Variants in GRID1 observed in about 807,000 individuals in gnomAD.
GRID1 encodes glutamate ionotropic receptor delta type subunit 1, also known as glutamate receptor ionotropic, delta-1.
Under a neutral mutation model 98.0 loss-of-function variants are expected in GRID1, and 28 were observed. That is an observed-to-expected ratio of 0.29 (90% CI 0.21 to 0.39). GRID1 has a LOEUF of 0.39. Among genes scored for constraint, GRID1 ranks in the 10% least tolerant of loss-of-function variants. The pLI is 1.00. For synonymous variants in GRID1, 553 were observed against 538.5 expected (o/e 1.03, Z -0.37); for missense variants, 1,111 against 1,340.5 (o/e 0.83, Z 2.67).
intron 12 of GRID1, among the ~76,000 whole-genome samples, chr10:85,668,379 C>T (rs963339911): frequency 6.6e-6 from 1 of 152,160 alleles, no homozygotes; most frequent in Admixed American, 6.5e-5. Context: ...GATGTGTGTC[C>T]TCTCTGTGTG....
At chr10:86,260,193 T>G (rs1846994435) in intron 2 of GRID1, among the ~76,000 whole-genome samples, 1 of 152,212 alleles carries the variant, frequency 6.6e-6, no homozygotes, top group Non-Finnish European at 1.5e-5. Flanking sequence ...CGTGGCTTCC[T>G]TCCACTTTTG....
chr10:85,738,497 C>T (rs1173964601), intron 8 of GRID1, among the ~76,000 whole-genome samples: 1 of 152,186 alleles, frequency 6.6e-6, no homozygotes, highest in African/African-American at 2.4e-5. Flanking sequence ...CACTCCTAGA[C>T]ATTACATAAG....
intron 8 of GRID1, among the ~76,000 whole-genome samples, chr10:85,769,075 A>G (rs1842227221): frequency 1.3e-5 from 2 of 152,366 alleles, no homozygotes; most frequent in South Asian, 4.1e-4. Context: ...AAAAGACTAT[A>G]GTAATGTACC....
chr10:86,125,504 G>A (rs1451442749), intron 4 of GRID1, among the ~76,000 whole-genome samples: 1 of 152,212 alleles, frequency 6.6e-6, no homozygotes, highest in Admixed American at 6.5e-5. Flanking sequence ...TGGTTAAAGA[G>A]CTCAGTTCAC....
chr10:86,200,767 C>T (rs1324801306), intron 3 of GRID1, among the ~76,000 whole-genome samples: 1 of 152,064 alleles, frequency 6.6e-6, no homozygotes, highest in Non-Finnish European at 1.5e-5. Context: ...GCAAAAAAAT[C>T]AACTACAAAC....
At chr10:86,151,740 G>A (rs1205738698) in intron 3 of GRID1, among the ~76,000 whole-genome samples, 1 of 152,124 alleles carries the variant, frequency 6.6e-6, no homozygotes, top group African/African-American at 2.4e-5. Flanking sequence ...CCTGTCTGAG[G>A]GCCACCCAGG....
Position 86,232,686 on chromosome 10 carries a change from A to G in GRID1, c.236-26038T>C, listed in dbSNP as rs562318325. Among the ~76,000 whole-genome samples the G allele has an allele frequency of 2.6e-5, 4 of 152,336 alleles. No homozygotes were observed. In the East Asian group the frequency reaches 7.7e-4, roughly 29 times the overall value. On this transcript the variant is annotated intron_variant, in intron 2 of 15. Transcript: ENST00000327946. ...AGGGAATGCTTTAGCAAGGCTCAGG[A>G]TGAGACTTCCTTTTCAGGGCATTAA...
At chr10:86,049,517 G>A (rs560975076) in intron 4 of GRID1, among the ~76,000 whole-genome samples, 65 of 152,280 alleles carry the variant, frequency 4.3e-4, no homozygotes, top group Admixed American at 2.6e-3. Flanking sequence ...AAGCAAGTCC[G>A]GCTATGCCAC....
chr10:86,035,299 C>G (rs919749666), intron 4 of GRID1, among the ~76,000 whole-genome samples: 2 of 152,224 alleles, frequency 1.3e-5, no homozygotes, highest in African/African-American at 4.8e-5. Context: ...GCTTTCTAAT[C>G]TCTTCCTTAG....
At chr10:86,100,406 G>A (rs116354401) in intron 4 of GRID1, among the ~76,000 whole-genome samples, 220 of 151,738 alleles carry the variant, frequency 1.4e-3, no homozygotes, top group African/African-American at 5.2e-3. Context: ...TGGAGATATA[G>A]GATTAAAAAA....
intron 4 of GRID1, among the ~76,000 whole-genome samples, chr10:86,137,559 G>A (rs1844946972): frequency 1.3e-5 from 2 of 152,242 alleles, no homozygotes; most frequent in African/African-American, 4.8e-5. Flanking sequence ...ACTGCAAGAA[G>A]AGCCATCCCC....
intron 2 of GRID1, among the ~76,000 whole-genome samples, chr10:86,233,584 C>T (rs2814331): frequency 0.87 from 132,009 of 151,962 alleles, 57,938 homozygotes; most frequent in African/African-American, 0.91. Flanking sequence ...TCACAGCCAA[C>T]ATCAGACAGT....
rs746173593 is a variant in GRID1 at position 85,613,590 on chromosome 10, C to A, written c.2418G>T (p.Pro806=). 50 of 1,613,976 alleles carry A rather than the reference C, an allele frequency of 3.1e-5. No individual in the cohort carries two copies. The Admixed American group carries it at 8.3e-4, about 27-fold the overall frequency. Residue 806 remains proline, a synonymous_variant, in exon 15 of 16, where the codon CCG becomes CCT. Transcript: ENST00000327946. ...DLDVLKQKWW[P]HMGRCDLTSH... The stretch of plus-strand genomic sequence containing the variant: ...TGGTGAGGTCACAGCGGCCCATGTG[C>A]GGCCACCACTTCTGCTTCAGCACAT...
At chr10:86,045,644 TGA>T (rs1445688605) in intron 4 of GRID1, among the ~76,000 whole-genome samples, 3 of 148,258 alleles carry the variant, frequency 2.0e-5, no homozygotes, top group Non-Finnish European at 4.5e-5. Context: ...GGAGAGAGAG[TGA>T]GAGAGTGAGA....
In GRID1 at chr10:86,195,258, T is replaced by C. The variant is rs1216567583; in HGVS notation, c.520+11106A>G. On this transcript the variant is annotated intron_variant, in intron 3 of 15. Coordinates refer to ENST00000327946, the MANE Select transcript of GRID1 (RefSeq NM_017551.3). This position sits in a 1 kb window ranked among gnomAD's most constrained non-coding sequence, Gnocchi z 4.4. ...CCCACTTCTACATTTGCTGTAAAGG[T>C]TGAGCTGGAATTGCCATCCATTCTG... Among the ~76,000 whole-genome samples, 2 of 152,044 alleles carry C rather than the reference T, an allele frequency of 1.3e-5. No homozygotes were observed. Among genetic ancestry groups the C allele is most frequent in the Admixed American group, 6.6e-5 (1 of 15,262 alleles).
intron 4 of GRID1, among the ~76,000 whole-genome samples, chr10:85,950,592 TG>T (rs1403352512): frequency 5.3e-5 from 8 of 152,356 alleles, no homozygotes; most frequent in African/African-American, 1.7e-4. Flanking sequence ...TCAAAAGGCC[TG>T]TAAGATAACA....
chr10:86,333,607 A>T (rs1848180713), intron 2 of GRID1, among the ~76,000 whole-genome samples: 1 of 152,212 alleles, frequency 6.6e-6, no homozygotes, highest in Admixed American at 6.5e-5. Context: ...CTCCCTAAAA[A>T]CTTAACTACT....
At chr10:85,764,063 G>A (rs61855960) in intron 8 of GRID1, among the ~76,000 whole-genome samples, 14 of 152,212 alleles carry the variant, frequency 9.2e-5, no homozygotes, top group South Asian at 4.2e-4. Flanking sequence ...AAAGAGATGC[G>A]TTTTCTGCCT....
intron 5 of GRID1, among the ~76,000 whole-genome samples, chr10:85,915,522 C>A (rs111209763): frequency 2.7e-5 from 4 of 150,820 alleles, no homozygotes; most frequent in African/African-American, 9.8e-5. Context: ...CACACAGACA[C>A]ACATATACAC....
Sources: allele counts gnomAD v4.1 joint callset (sites outside exome capture counted in the v4.1 genomes callset), GRCh38; gene constraint gnomAD v4.1.1; non-coding constraint Gnocchi (gnomAD v3.1); transcripts MANE v1.5; gene names NCBI Gene and HGNC (gene_info 2026-07-23, HGNC 2026-07-21).